LRRTM4: variants seen among roughly 807,000 people sequenced by gnomAD.
LRRTM4 encodes leucine-rich repeat transmembrane neuronal protein 4.
LRRTM4 carries 25 observed loss-of-function variants against 47.6 expected under a neutral mutation model. That is an observed-to-expected ratio of 0.53 (90% confidence interval 0.38 to 0.73). The LOEUF (loss-of-function observed/expected upper bound fraction) is 0.73. Among genes scored for constraint, LRRTM4 ranks in the 30% least tolerant of loss-of-function variants. LRRTM4 has a pLI of 0.00. For synonymous variants in LRRTM4, 311 were observed against 269.5 expected (o/e 1.15, Z -1.51); for missense variants, 638 against 713.4 (o/e 0.89, Z 1.20).
chr2:77,116,553 A>T (rs1263791314), intron 3 of LRRTM4, among the ~76,000 whole-genome samples: 1 of 152,156 alleles, frequency 6.6e-6, no homozygotes, highest in Non-Finnish European at 1.5e-5. Flanking sequence ...ACCACAATGA[A>T]CATAATCAAC....
At chr2:77,272,720 A>C (rs538886996) in intron 3 of LRRTM4, among the ~76,000 whole-genome samples, 6 of 152,168 alleles carry the variant, frequency 3.9e-5, no homozygotes, top group Non-Finnish European at 8.8e-5. Context: ...GAGTGAGTGA[A>C]TTCTCACTCT....
At chr2:77,123,190 C>G (rs1195659649) in intron 3 of LRRTM4, among the ~76,000 whole-genome samples, 4 of 145,032 alleles carry the variant, frequency 2.8e-5, no homozygotes, top group Non-Finnish European at 4.5e-5. Context: ...AAAAAAGTTC[C>G]TTTGTGTTCA....
intron 3 of LRRTM4, among the ~76,000 whole-genome samples, chr2:77,310,053 A>C (rs1355917333): frequency 2.0e-5 from 3 of 152,166 alleles, no homozygotes; most frequent in East Asian, 1.9e-4. Context: ...TACAAAAAAA[A>C]CTTTTTTTGG....
chr2:76,905,273 A>T (rs1218310441), intron 3 of LRRTM4, among the ~76,000 whole-genome samples: 1 of 152,148 alleles, frequency 6.6e-6, no homozygotes, highest in East Asian at 1.9e-4. Flanking sequence ...ATTCCAACAG[A>T]CCTGCGGCTG....
intron 3 of LRRTM4, among the ~76,000 whole-genome samples, chr2:76,913,324 G>A (rs576186934): frequency 2.0e-5 from 3 of 151,446 alleles, no homozygotes; most frequent in Non-Finnish European, 2.9e-5. Context: ...TTTTTCTAAA[G>A]TGAGTGATAT....
intron 3 of LRRTM4, among the ~76,000 whole-genome samples, chr2:77,033,952 G>A (rs879748953): frequency 4.0e-5 from 6 of 151,768 alleles, no homozygotes; most frequent in African/African-American, 2.4e-5. Flanking sequence ...CAGAATATCT[G>A]AGGCTGAAAC....
chr2:76,830,986 A>G (rs1001526665), intron 3 of LRRTM4, among the ~76,000 whole-genome samples: 1 of 152,106 alleles, frequency 6.6e-6, no homozygotes, highest in African/African-American at 2.4e-5. Context: ...ACAACTTAGC[A>G]TAATTGGATT....
chr2:76,993,965 A>T (rs1433952068), intron 3 of LRRTM4, among the ~76,000 whole-genome samples: 1 of 151,936 alleles, frequency 6.6e-6, no homozygotes, highest in Admixed American at 6.6e-5. Context: ...AGCAACATAG[A>T]TGCAGCTAAA....
intron 3 of LRRTM4, among the ~76,000 whole-genome samples, chr2:76,780,398 C>A (rs1001975193): frequency 6.6e-5 from 10 of 152,148 alleles, no homozygotes; most frequent in Non-Finnish European, 1.3e-4. Flanking sequence ...TCAGGTACAC[C>A]AATCAGACGT....
intron 3 of LRRTM4, among the ~76,000 whole-genome samples, chr2:77,159,924 C>T (rs1224875230): frequency 2.0e-5 from 3 of 152,188 alleles, no homozygotes; most frequent in Non-Finnish European, 4.4e-5. Flanking sequence ...CAATCTAACA[C>T]AATTCAGATT....
chr2:77,290,189 A>G (rs930724662), intron 3 of LRRTM4, among the ~76,000 whole-genome samples: 10 of 151,990 alleles, frequency 6.6e-5, no homozygotes, highest in African/African-American at 9.7e-5. Flanking sequence ...ATTAGGTGAA[A>G]CTTTCCCAGT....
chr2:77,435,199 C>T (rs537107773), intron 3 of LRRTM4, among the ~76,000 whole-genome samples: 25 of 152,066 alleles, frequency 1.6e-4, no homozygotes, highest in Non-Finnish European at 3.5e-4. Context: ...AGGTAACATA[C>T]ATTTAGAGTG....
chr2:77,033,059 T>C (rs1678716968), intron 3 of LRRTM4, among the ~76,000 whole-genome samples: 1 of 152,038 alleles, frequency 6.6e-6, no homozygotes, highest in African/African-American at 2.4e-5. Flanking sequence ...TCACAATCAA[T>C]GGTAATCTGA....
intron 3 of LRRTM4, among the ~76,000 whole-genome samples, chr2:76,880,674 G>C (rs1672903872): frequency 6.6e-6 from 1 of 152,148 alleles, no homozygotes; most frequent in South Asian, 2.1e-4. Flanking sequence ...GCCAGAAGAA[G>C]TCAGGTGTTT....
intron 3 of LRRTM4, among the ~76,000 whole-genome samples, chr2:76,857,121 G>A (rs1010062846): frequency 6.6e-6 from 1 of 151,494 alleles, no homozygotes; most frequent in Non-Finnish European, 1.5e-5. Context: ...CCTTGAGACA[G>A]CAATACCAAC....
chr2:76,769,829 C>G lies in LRRTM4; in HGVS notation c.1552-20913G>C, dbSNP rs146422684. On this transcript the variant is annotated intron_variant, in intron 3 of 3. Transcript: ENST00000409884. ...TATTTTTCATAGGAAAAATAGAAGC[C>G]CTATGTTTCTGCCATGCCTAGATAA... Among the ~76,000 whole-genome samples the G allele has an allele frequency of 1.6e-4, 24 of 152,208 alleles. 1 individual carries two copies. The East Asian group carries it at 4.4e-3, about 28-fold the overall frequency.
At chr2:77,076,610 C>T (rs1197185727) in intron 3 of LRRTM4, among the ~76,000 whole-genome samples, 1 of 152,134 alleles carries the variant, frequency 6.6e-6, no homozygotes, top group East Asian at 1.9e-4. Flanking sequence ...CTTTCTGCTA[C>T]ATTGAAATGA....
chr2:76,828,523 T>C (rs1671247562), intron 3 of LRRTM4, among the ~76,000 whole-genome samples: 3 of 151,962 alleles, frequency 2.0e-5, no homozygotes, highest in South Asian at 4.1e-4. Flanking sequence ...AGTGTAATGC[T>C]GCCCTTTGAG....
Position 77,388,264 on chromosome 2 carries a change from TATAA to T in LRRTM4, c.1551+130050_1551+130053del, listed in dbSNP as rs1312489505. Reference sequence around the variant, plus strand: ...TCGTCACAGAAAGGATTAGATTAGATATAAATATCATCTAGTCCAAATCCCTTTA... The same window carrying T: ...TCGTCACAGAAAGGATTAGATTAGATATATCATCTAGTCCAAATCCCTTTA... On this transcript the variant is annotated intron_variant, in intron 3 of 3. Transcript: ENST00000409884. Among the ~76,000 whole-genome samples, 4 of 152,128 alleles carry T rather than the reference TATAA, an allele frequency of 2.6e-5. 1 individual carries two copies. In the East Asian group the frequency reaches 5.8e-4, roughly 22 times the overall value.
Sources: gnomAD v4.1 joint callset for allele counts (sites outside exome capture counted in the v4.1 genomes callset) on GRCh38, gnomAD v4.1.1 for gene constraint, MANE v1.5 for transcripts, NCBI Gene and HGNC (gene_info 2026-07-23, HGNC 2026-07-21) for gene names.